The following TRPM3 variants were observed in gnomAD, a reference collection of about 807,000 sequenced individuals.
TRPM3 encodes long transient receptor potential channel 3.
Under a neutral mutation model 181.2 loss-of-function variants are expected in TRPM3, and 77 were observed. The observed-to-expected ratio is 0.42, with a 90% confidence interval of 0.35 to 0.51. The LOEUF (loss-of-function observed/expected upper bound fraction) is 0.51, where lower values mean the gene tolerates loss of function less well. Among genes scored for constraint, TRPM3 ranks in the 20% least tolerant of loss-of-function variants. The pLI, the probability that TRPM3 is intolerant of heterozygous loss-of-function variation, is 0.01. For synonymous variants in TRPM3, 745 were observed against 796.4 expected (o/e 0.94, Z 1.09); for missense variants, 1,759 against 2,196.7 (o/e 0.80, Z 3.98).
intron 1 of TRPM3, among the ~76,000 whole-genome samples, chr9:71,358,612 A>C (rs1263233144): frequency 6.6e-6 from 1 of 152,218 alleles, no homozygotes; most frequent in Non-Finnish European, 1.5e-5. Context: ...AGATATTTCA[A>C]ATTTCAAACC....
intron 1 of TRPM3, among the ~76,000 whole-genome samples, chr9:71,045,220 C>T (rs1252911952): frequency 2.0e-5 from 3 of 152,092 alleles, no homozygotes; most frequent in Non-Finnish European, 4.4e-5. Context: ...CCTCAGCCTC[C>T]CGAGTAGCTG....
chr9:71,331,977 A>G (rs1341851398), intron 1 of TRPM3, among the ~76,000 whole-genome samples: 1 of 145,856 alleles, frequency 6.9e-6, no homozygotes, highest in Non-Finnish European at 1.5e-5. Flanking sequence ...GAGGAGGAGA[A>G]GGAGGAGGGT....
chr9:70,954,086 T>C (rs902832383), intron 1 of TRPM3, among the ~76,000 whole-genome samples: 5 of 152,172 alleles, frequency 3.3e-5, no homozygotes, highest in Admixed American at 2.0e-4. Context: ...TCCTCCACTC[T>C]GATCATTTCG....
At chr9:70,802,558 G>A (rs1244978847) in intron 6 of TRPM3, among the ~76,000 whole-genome samples, 2 of 152,212 alleles carry the variant, frequency 1.3e-5, no homozygotes, top group Non-Finnish European at 2.9e-5. Flanking sequence ...AAGTCTGAGT[G>A]TGCCTGTGAT....
chr9:70,765,934 C>T (rs1037178015), intron 7 of TRPM3, among the ~76,000 whole-genome samples: 3 of 152,080 alleles, frequency 2.0e-5, no homozygotes, highest in East Asian at 1.9e-4. Context: ...CATCAAAATA[C>T]GGTCATAGTA....
At chr9:70,807,259 G>A (rs917914297) in intron 6 of TRPM3, among the ~76,000 whole-genome samples, 1 of 152,184 alleles carries the variant, frequency 6.6e-6, no homozygotes, top group African/African-American at 2.4e-5. Flanking sequence ...TGAGGCCACG[G>A]TGCACTGGCT....
In TRPM3 at chr9:70,616,127, T is replaced by C. The variant is rs776437119; in HGVS notation, c.2359-52A>G. 5.7e-6 allele frequency: 8 copies of C among 1,412,926 alleles called. No homozygotes were observed. In the African/African-American group the frequency reaches 1.2e-4, roughly 20 times the overall value. 87.5% of individuals were successfully genotyped at this position (1,412,926 alleles called of 1,614,324 possible). On this transcript the variant is annotated intron_variant, in intron 17 of 25. Coordinates refer to ENST00000677713, the MANE Select transcript of TRPM3 (RefSeq NM_001366145.2). Reference sequence around the variant, plus strand: ...ATAATCACATTTAAAGGATTAAGATTAGGGTGGTTGTTTAGAATCAGAGAG... The same window carrying C: ...ATAATCACATTTAAAGGATTAAGATCAGGGTGGTTGTTTAGAATCAGAGAG...
At chr9:70,542,612 A>G (rs529302983) in intron 25 of TRPM3, among the ~76,000 whole-genome samples, 1 of 152,362 alleles carries the variant, frequency 6.6e-6, no homozygotes, top group East Asian at 1.9e-4. Flanking sequence ...TGGCTTCCAC[A>G]TGCAATTTCT....
At chr9:70,801,478 A>G (rs1345080868) in intron 6 of TRPM3, among the ~76,000 whole-genome samples, 1 of 152,252 alleles carries the variant, frequency 6.6e-6, no homozygotes, top group African/African-American at 2.4e-5. Flanking sequence ...CAGCACCTGC[A>G]TAAATCTTAT....
At position 71,301,334 on chromosome 9, in the gene TRPM3, C is replaced by T. The variant is rs541602894; in HGVS notation, c.183+145319G>A. Among the ~76,000 whole-genome samples the T allele has an allele frequency of 3.3e-5, 5 of 152,170 alleles. No individual in the cohort carries two copies. The South Asian group carries it at 6.2e-4, about 19-fold the overall frequency. On this transcript the variant is annotated intron_variant, in intron 1 of 24. Coordinates refer to the TRPM3 transcript ENST00000357533. ...AAAGATTTCCCTTCTAAAGTTTGTC[C>T]TAGTTCTAAAATAATTCCCAGGAGG...
chr9:70,881,027 T>C (rs1337008), intron 1 of TRPM3, among the ~76,000 whole-genome samples: 2 of 152,166 alleles, frequency 1.3e-5, no homozygotes, highest in African/African-American at 4.8e-5. Flanking sequence ...TCAGCATTGA[T>C]AAACATGATG....
At chr9:70,751,375 T>A (rs956681970) in intron 8 of TRPM3, among the ~76,000 whole-genome samples, 3 of 152,092 alleles carry the variant, frequency 2.0e-5, no homozygotes, top group Admixed American at 2.0e-4. Flanking sequence ...CACCAGGAAA[T>A]ATAGCTAGTC....
intron 9 of TRPM3, among the ~76,000 whole-genome samples, chr9:70,649,475 C>T (rs1191898719): frequency 6.6e-6 from 1 of 152,106 alleles, no homozygotes; most frequent in African/African-American, 2.4e-5. Flanking sequence ...AGGTGTGAGC[C>T]ATCACACCCA....
intron 1 of TRPM3, among the ~76,000 whole-genome samples, chr9:71,264,342 A>T (rs942161340): frequency 6.6e-6 from 1 of 152,182 alleles, no homozygotes; most frequent in Non-Finnish European, 1.5e-5. Flanking sequence ...TCCCATCTGT[A>T]CTATCTGATG....
intron 1 of TRPM3, among the ~76,000 whole-genome samples, chr9:71,146,257 C>G (rs1208829679): frequency 2.0e-5 from 3 of 152,120 alleles, no homozygotes; most frequent in Non-Finnish European, 4.4e-5. Flanking sequence ...AATGATGGAG[C>G]TTTCGAATCA....
chr9:70,553,354 G>C (rs761785626), intron 22 of TRPM3, 44 bp from the exon 23 acceptor site: 3 of 1,596,188 alleles, frequency 1.9e-6, no homozygotes, highest in Non-Finnish European at 1.7e-6. Context: ...CTGGCTATTT[G>C]AGTTAGAAAA....
intron 22 of TRPM3, among the ~76,000 whole-genome samples, chr9:70,572,167 T>C (rs2132184514): frequency 6.6e-6 from 1 of 151,742 alleles, no homozygotes; most frequent in South Asian, 2.1e-4. Context: ...TTTTAAATCT[T>C]TAGAAAAATT....
At chr9:71,136,731 G>A (rs2074789730) in intron 1 of TRPM3, among the ~76,000 whole-genome samples, 1 of 152,122 alleles carries the variant, frequency 6.6e-6, no homozygotes, top group Non-Finnish European at 1.5e-5. Context: ...AGATTTCTGA[G>A]CTCCTTCTGG....
intron 14 of TRPM3, among the ~76,000 whole-genome samples, chr9:70,624,164 A>T (rs2064101418): frequency 1.3e-5 from 2 of 152,234 alleles, no homozygotes; most frequent in Non-Finnish European, 2.9e-5. Context: ...ATTGTATAAT[A>T]AAATGTGTCA....
Sources: gnomAD v4.1 joint callset for allele counts (sites outside exome capture counted in the v4.1 genomes callset) on GRCh38, gnomAD v4.1.1 for gene constraint, MANE v1.5 for transcripts, NCBI Gene and HGNC (gene_info 2026-07-23, HGNC 2026-07-21) for gene names.